The following FAM170A variants were observed in gnomAD, a reference collection of about 807,000 sequenced individuals.
FAM170A encodes family with sequence similarity 170 member A, also known as protein FAM170A.
In FAM170A, 28 loss-of-function variants were observed where a neutral mutation model predicts 36.6. The ratio of observed to expected loss-of-function variants is 0.76; its 90% confidence interval spans 0.57 to 1.05. The LOEUF is 1.05. Among genes scored for constraint, FAM170A ranks in the 50% least tolerant of loss-of-function variants. The pLI, the probability that FAM170A is intolerant of heterozygous loss-of-function variation, is 0.00. For missense variants in FAM170A, 434 were observed against 396.5 expected (o/e 1.09, Z -0.80); for synonymous variants, 156 against 143.9 (o/e 1.08, Z -0.60).
At position 119,634,037 on chromosome 5, in the gene FAM170A, C is replaced by T. The variant is rs1756316240; in HGVS notation, c.289C>T (p.Pro97Ser). ...GGTTCAGGAACGAGGAGAGACTCCT[C>T]CCCGCTCACAACATGTCTCCTTGTC... The change falls in exon 3 of 5, where the codon CCC becomes TCC. Residue 97 changes from proline (P) to serine (S), a missense_variant. Pro to Ser is a moderately conservative substitution (Grantham distance 74). Coordinates refer to ENST00000613773, the Ensembl canonical transcript of FAM170A. 1.9e-6 allele frequency: 3 copies of T among 1,614,198 alleles called. No homozygotes were observed. The East Asian group carries it at 6.7e-5, about 36-fold the overall frequency.
Position 119,631,964 on chromosome 5 carries a change from A to G in FAM170A, c.71-784A>G, listed in dbSNP as rs193255207. Among the ~76,000 whole-genome samples the G allele has an allele frequency of 1.6e-4, 24 of 152,314 alleles. 1 individual carries two copies. Among genetic ancestry groups the G allele is most frequent in the Non-Finnish European group, 5.9e-5 (4 of 68,024 alleles). ...TCAGTTAAACTTGAATATCAGATAA[A>G]CCACCAATGATTTTTTAGTATAAGT... is the stretch of plus-strand genomic sequence containing the variant. On this transcript the variant is annotated intron_variant, in intron 1 of 4. Coordinates refer to ENST00000613773, the Ensembl canonical transcript of FAM170A.
chr5:119,634,233 C>G lies in FAM170A; in HGVS notation c.485C>G (p.Thr162Ser), dbSNP rs768147382. 10 of 1,614,090 alleles carry G rather than the reference C, an allele frequency of 6.2e-6. No homozygotes were observed. The highest frequency in any genetic ancestry group is 2.7e-5 in the African/African-American group (2 of 74,934). ...AAGCAGCCAAGGATGGAAGAAGTGACCCTTTCTGAGGTTGTGAGGGTAGGT... is the reference window on the plus strand; with the variant it reads ...AAGCAGCCAAGGATGGAAGAAGTGAGCCTTTCTGAGGTTGTGAGGGTAGGT... The change falls in exon 3 of 5, where the codon ACC becomes AGC. Residue 162 changes from threonine (T) to serine (S), a missense_variant. By Grantham distance (58) the Thr-to-Ser change is moderately conservative (BLOSUM62 1). Coordinates refer to ENST00000613773, the Ensembl canonical transcript of FAM170A.
chr5:119,630,416 C>A (rs1232884057), intron 1 of FAM170A, among the ~76,000 whole-genome samples: 1 of 151,682 alleles, frequency 6.6e-6, no homozygotes, highest in Non-Finnish European at 1.5e-5. Context: ...CATGATCCAC[C>A]TGCCTCGGCC....
At chr5:119,631,718 C>A (rs1756256207) in intron 1 of FAM170A, among the ~76,000 whole-genome samples, 1 of 151,516 alleles carries the variant, frequency 6.6e-6, no homozygotes. Flanking sequence ...ACAGAGATTT[C>A]TTGTGTGTGG....
Position 119,629,577 on chromosome 5 carries a change from G to A in FAM170A, c.-192G>A. 1 of 474,876 alleles carries A rather than the reference G, an allele frequency of 2.1e-6. No individual in the cohort carries two copies. The highest frequency in any genetic ancestry group is 3.9e-6 in the Non-Finnish European group (1 of 258,730). 29.4% of individuals were successfully genotyped at this position (474,876 alleles called of 1,614,324 possible). ...ACCTTTGAACCTTAACAGCCCTGCA[G>A]TGTAGTGGGCACTGGGCAGTGCTGC... On this transcript the variant is annotated 5_prime_UTR_variant, in exon 1 of 5. It adds an upstream start codon to the 5' untranslated region. Coordinates refer to ENST00000613773, the Ensembl canonical transcript of FAM170A.
chr5:119,634,046 C>T lies in FAM170A; in HGVS notation c.298C>T (p.Gln100Ter). 1.2e-6 allele frequency: 2 copies of T among 1,614,192 alleles called. No homozygotes were observed. Among genetic ancestry groups the T allele is most frequent in the Admixed American group, 1.7e-5 (1 of 60,024 alleles). The change falls in exon 3 of 5, where the codon CAA becomes TAA. Residue 100 changes from glutamine to a stop codon, truncating the protein, a stop_gained. Transcript: ENST00000613773. LOFTEE classifies it high-confidence loss of function. Reference sequence around the variant, plus strand: ...ACGAGGAGAGACTCCTCCCCGCTCACAACATGTCTCCTTGTCGTCCTATTC... The same window carrying T: ...ACGAGGAGAGACTCCTCCCCGCTCATAACATGTCTCCTTGTCGTCCTATTC...
At chr5:119,634,173 C>T (rs1016030996) in exon 3 of FAM170A, 1 of 1,614,198 alleles carries the variant, frequency 6.2e-7, no homozygotes, top group Admixed American at 1.7e-5. Context: ...GTGGCTGTCT[C>T]CTGGGAGACA....
At chr5:119,633,816 A>T in intron 2 of FAM170A, 144 bp from the exon 3 acceptor site, 1 of 1,072,358 alleles carries the variant, frequency 9.3e-7, no homozygotes, top group South Asian at 1.6e-5. Flanking sequence ...ACTACCCCAC[A>T]ATATGAACAA....
rs904773139 is a variant in FAM170A, at chr5:119,629,775, C to T, written c.7C>T (p.Arg3Ter). Residue 3 changes from arginine to a stop codon, truncating the protein, a stop_gained, in exon 1 of 5, where the codon CGA becomes TGA. Coordinates refer to ENST00000613773, the Ensembl canonical transcript of FAM170A. LOFTEE classifies it high-confidence loss of function. ...AACTCTTCTAGCTGATATCATGAAA[C>T]GACGACAAAAGAGGAAACATTTGGA... 6 of 1,612,888 alleles carry T rather than the reference C, an allele frequency of 3.7e-6. No individual in the cohort carries two copies. The African/African-American group carries it at 4.0e-5, about 11-fold the overall frequency.
intron 1 of FAM170A, among the ~76,000 whole-genome samples, chr5:119,630,321 ATTTTT>A (rs10603530): frequency 7.9e-4 from 94 of 118,392 alleles, no homozygotes; most frequent in East Asian, 2.6e-3. Context: ...CGCCTGGCTA[ATTTTT>A]TTTTTTTTTT....
exon 1 of FAM170A, chr5:119,629,658 C>G (rs933099837): frequency 2.5e-6 from 2 of 810,488 alleles, no homozygotes; most frequent in African/African-American, 3.4e-5. Context: ...ACTACGTTTA[C>G]TCGTACTGAA....
At chr5:119,632,510 T>A (rs893521299) in intron 1 of FAM170A, among the ~76,000 whole-genome samples, 5 of 152,240 alleles carry the variant, frequency 3.3e-5, no homozygotes, top group African/African-American at 1.2e-4. Flanking sequence ...TGTATCACTC[T>A]TACGCTTCAG....
exon 3 of FAM170A, chr5:119,634,479 A>G (rs768633472): frequency 2.5e-6 from 4 of 1,614,140 alleles, no homozygotes; most frequent in Non-Finnish European, 3.4e-6. Flanking sequence ...GAAGCCCTCC[A>G]GGAGCATGTG....
intron 4 of FAM170A, among the ~76,000 whole-genome samples, chr5:119,635,368 C>A (rs1294672389): frequency 6.6e-6 from 1 of 152,156 alleles, no homozygotes; most frequent in African/African-American, 2.4e-5. Flanking sequence ...ACCTCAAGGG[C>A]CAGGATTGGC....
chr5:119,629,868 A>G (rs918683248), intron 1 of FAM170A, 30 bp downstream of exon 1: 2 of 1,564,408 alleles, frequency 1.3e-6, no homozygotes, highest in African/African-American at 2.7e-5. Flanking sequence ...TCTGGGGCAC[A>G]AGCGTCACTG....
exon 3 of FAM170A, chr5:119,634,099 G>C (rs371121029): frequency 3.7e-6 from 6 of 1,614,138 alleles, no homozygotes; most frequent in Non-Finnish European, 5.1e-6. Flanking sequence ...TGTCCTCTCT[G>C]TGTGTAAACA....
intron 4 of FAM170A, 71 bp from the exon 5 acceptor site, chr5:119,635,629 A>G (rs1471943548): frequency 6.5e-6 from 1 of 154,902 alleles, no homozygotes; most frequent in Non-Finnish European, 1.5e-5. Flanking sequence ...GGTGAAGGGT[A>G]ACTGACTAGC....
exon 3 of FAM170A, chr5:119,634,371 C>T: frequency 2.5e-6 from 4 of 1,614,222 alleles, no homozygotes; most frequent in Non-Finnish European, 3.4e-6. Context: ...GGCTCACCCA[C>T]CGTTGAGGAC....
At chr5:119,635,668 T>C (rs1756365673) in intron 4 of FAM170A, 32 bp from the exon 5 acceptor site, 1 of 154,684 alleles carries the variant, frequency 6.5e-6, no homozygotes, top group African/African-American at 2.4e-5. Context: ...TGCCTCTTCC[T>C]CTTCTGCCTC....
Sources: allele counts gnomAD v4.1 joint callset (sites outside exome capture counted in the v4.1 genomes callset), GRCh38; gene constraint gnomAD v4.1.1; transcripts MANE v1.5; gene names NCBI Gene and HGNC (gene_info 2026-07-23, HGNC 2026-07-21).